The following TRPC4 variants were observed in gnomAD, a reference collection of about 807,000 sequenced individuals.
TRPC4 encodes the protein transient receptor potential cation channel subfamily C member 4.
Under a neutral mutation model 99.4 loss-of-function variants are expected in TRPC4, and 49 were observed. The ratio of observed to expected loss-of-function variants is 0.49; its 90% confidence interval spans 0.39 to 0.63. The LOEUF is 0.63. TRPC4 is among the 20% of genes least tolerant of loss of function. The pLI is 0.00. For missense variants in TRPC4, 898 were observed against 1,152.9 expected (o/e 0.78, Z 3.20); for synonymous variants, 454 against 425.9 (o/e 1.07, Z -0.81).
rs1378725066 is a variant in TRPC4 at position 37,634,040 on chromosome 13, A to G, written c.*2863T>C. ...GCTAGTCTATTAAACTGAATTTTCA[A>G]CACACTCCTTCACCTAACTCAGACA... On this transcript the variant is annotated 3_prime_UTR_variant, in exon 11 of 11. Coordinates refer to ENST00000379705, the MANE Select transcript of TRPC4 (RefSeq NM_016179.4). Among the ~76,000 whole-genome samples the G allele has an allele frequency of 6.6e-6, 1 of 152,112 alleles. No individual in the cohort carries two copies. Among genetic ancestry groups the G allele is most frequent in the Non-Finnish European group, 1.5e-5 (1 of 67,998 alleles).
At chr13:37,758,051 G>GT (rs1187819540) in intron 2 of TRPC4, among the ~76,000 whole-genome samples, 2 of 151,828 alleles carry the variant, frequency 1.3e-5, no homozygotes, top group African/African-American at 2.4e-5. Flanking sequence ...GCGTATTCAC[G>GT]TAAGTTACTG....
In TRPC4 at chr13:37,651,174, G is replaced by C; in HGVS notation, c.2079+91C>G. ...ACATGCAATCAGTAAGAACAAAAAG[G>C]CTAAAGACCTGAACATGTACAATAA... is the stretch of plus-strand genomic sequence containing the variant. On this transcript the variant is annotated intron_variant, in intron 8 of 10. Coordinates refer to ENST00000379705, the MANE Select transcript of TRPC4 (RefSeq NM_016179.4). The C allele has an allele frequency of 2.1e-6, 3 of 1,445,772 alleles. No individual in the cohort carries two copies. The South Asian group carries it at 3.7e-5, about 18-fold the overall frequency. The allele number at this position is 1,445,772 out of a possible 1,614,324, so 89.6% of individuals were successfully genotyped here.
chr13:37,752,075 C>CTATATATATA (rs10528143), intron 2 of TRPC4, among the ~76,000 whole-genome samples: 1,326 of 73,930 alleles, frequency 0.018, 272 homozygotes, highest in African/African-American at 0.068. Flanking sequence ...AAGCAGAAAA[C>CTATATATATA]TATATATATA....
intron 2 of TRPC4, among the ~76,000 whole-genome samples, chr13:37,777,075 A>G (rs769956567): frequency 6.6e-6 from 1 of 151,968 alleles, no homozygotes; most frequent in South Asian, 2.1e-4. Flanking sequence ...CTGAAACTAC[A>G]TATGTCAAAA....
At chr13:37,675,356 A>G (rs919364271) in intron 4 of TRPC4, among the ~76,000 whole-genome samples, 4 of 152,206 alleles carry the variant, frequency 2.6e-5, no homozygotes, top group African/African-American at 9.6e-5. Flanking sequence ...TGTGAGACTT[A>G]GCTCACCTGC....
intron 3 of TRPC4, among the ~76,000 whole-genome samples, chr13:37,701,356 C>G (rs79812535): frequency 0.12 from 17,983 of 152,142 alleles, 1,146 homozygotes; most frequent in East Asian, 0.27. Context: ...CCCGGCTGCA[C>G]CATCTCTCCA....
intron 3 of TRPC4, among the ~76,000 whole-genome samples, chr13:37,716,333 G>T (rs972714537): frequency 1.3e-5 from 2 of 152,138 alleles, no homozygotes; most frequent in African/African-American, 4.8e-5. Context: ...GGTACCTTCT[G>T]TTAGAGGAGA....
In TRPC4 at chr13:37,789,363, C is replaced by G. The variant is rs1490378103; in HGVS notation, c.-27-6003G>C. On this transcript the variant is annotated intron_variant, in intron 1 of 10. Transcript: ENST00000379705. ...AAATCTTTCTGAAGCATCATAGCCC[C>G]TGATGATGTTTCTTTTCTTCCTCTC... 5.9e-5 allele frequency among the ~76,000 whole-genome samples: 9 copies of G among 152,170 alleles called. No individual in the cohort carries two copies. In the East Asian group the frequency reaches 1.5e-3, roughly 26 times the overall value.
intron 2 of TRPC4, among the ~76,000 whole-genome samples, chr13:37,752,787 TCAAA>T (rs1013788929): frequency 4.6e-5 from 7 of 151,806 alleles, no homozygotes; most frequent in Admixed American, 1.3e-4. Context: ...TCGCAGGTGC[TCAAA>T]CAAACAAAAA....
At chr13:37,784,418 A>G (rs1282560473) in intron 1 of TRPC4, among the ~76,000 whole-genome samples, 4 of 152,062 alleles carry the variant, frequency 2.6e-5, no homozygotes, top group Non-Finnish European at 4.4e-5. Flanking sequence ...ACTGGAAGCT[A>G]TATTGATCTG....
intron 1 of TRPC4, among the ~76,000 whole-genome samples, chr13:37,840,677 T>C (rs1422347022): frequency 1.3e-5 from 2 of 152,060 alleles, no homozygotes; most frequent in Non-Finnish European, 2.9e-5. Context: ...TCCTGTTTAA[T>C]GTTCTAGTCT....
intron 1 of TRPC4, among the ~76,000 whole-genome samples, chr13:37,813,300 T>G (rs1022686921): frequency 6.6e-6 from 1 of 151,780 alleles, no homozygotes; most frequent in African/African-American, 2.4e-5. Context: ...GTTTGATATA[T>G]ATCTTAAATT....
intron 1 of TRPC4, among the ~76,000 whole-genome samples, chr13:37,845,106 C>A (rs1418347401): frequency 1.3e-5 from 2 of 152,164 alleles, no homozygotes; most frequent in African/African-American, 2.4e-5. Flanking sequence ...AGAATCCACC[C>A]AGTCTAATTA....
chr13:37,710,140 T>C (rs563503950), intron 3 of TRPC4, among the ~76,000 whole-genome samples: 15 of 152,128 alleles, frequency 9.9e-5, no homozygotes, highest in Admixed American at 2.6e-4. Context: ...AACATGATCA[T>C]GAAATATAGA....
chr13:37,847,017 AAT>A (rs1264580458), intron 1 of TRPC4, among the ~76,000 whole-genome samples: 1 of 152,080 alleles, frequency 6.6e-6, no homozygotes, highest in Non-Finnish European at 1.5e-5. Flanking sequence ...AACAATTGTA[AAT>A]ATATATGCAC....
intron 3 of TRPC4, among the ~76,000 whole-genome samples, chr13:37,710,164 G>T (rs916607236): frequency 6.6e-6 from 1 of 151,884 alleles, no homozygotes; most frequent in African/African-American, 2.4e-5. Flanking sequence ...AGAACTGTTT[G>T]CTTTAATTCT....
Position 37,715,305 on chromosome 13 carries a change from G to A in TRPC4, c.898-22970C>T, listed in dbSNP as rs1295101489. ...TCTATGTCAACATATAGACCTGTAGGAAATCAAGGAAATCAACAAAGTAAT... is the reference window on the plus strand; with the variant it reads ...TCTATGTCAACATATAGACCTGTAGAAAATCAAGGAAATCAACAAAGTAAT... On this transcript the variant is annotated intron_variant, in intron 3 of 10. Coordinates refer to ENST00000379705, the MANE Select transcript of TRPC4 (RefSeq NM_016179.4). 3.3e-5 allele frequency among the ~76,000 whole-genome samples: 5 copies of A among 152,196 alleles called. No homozygotes were observed. In the East Asian group the frequency reaches 9.6e-4, roughly 29 times the overall value.
chr13:37,709,062 T>C (rs1420191951), intron 3 of TRPC4, among the ~76,000 whole-genome samples: 1 of 152,012 alleles, frequency 6.6e-6, no homozygotes, highest in Non-Finnish European at 1.5e-5. Context: ...TGAAGCTAAG[T>C]AGAAGACAAA....
intron 3 of TRPC4, among the ~76,000 whole-genome samples, chr13:37,741,354 G>GT (rs571791078): frequency 6.6e-6 from 1 of 152,196 alleles, no homozygotes; most frequent in Non-Finnish European, 1.5e-5. Context: ...CAAGGGACAA[G>GT]TTTTTTGTCT....
Sources: allele counts gnomAD v4.1 joint callset (sites outside exome capture counted in the v4.1 genomes callset), GRCh38; gene constraint gnomAD v4.1.1; transcripts MANE v1.5; gene names NCBI Gene and HGNC (gene_info 2026-07-23, HGNC 2026-07-21).